SMIM13: variants seen among roughly 807,000 people sequenced by gnomAD.
SMIM13 encodes UPF0766 protein C6orf228.
In SMIM13, 3 loss-of-function variants were observed where a neutral mutation model predicts 5.9. The ratio of observed to expected loss-of-function variants is 0.51; its 90% CI spans 0.23 to 1.31. The LOEUF (loss-of-function observed/expected upper bound fraction) is 1.31, where lower values mean the gene tolerates loss of function less well. SMIM13 is among the 40% of genes most tolerant of loss of function. SMIM13 has a pLI of 0.18. For missense variants in SMIM13, 85 were observed against 109.9 expected, an observed-to-expected ratio of 0.77 and a Z score of 1.01; for synonymous variants, 55 against 46.0, an observed-to-expected ratio of 1.19 and a Z score of -0.79.
intron 1 of SMIM13, among the ~76,000 whole-genome samples, chr6:11,131,874 A>G (rs994077087): frequency 2.6e-5 from 4 of 152,174 alleles, no homozygotes; most frequent in Non-Finnish European, 4.4e-5. Context: ...GTGGTTTCCT[A>G]GATATGCCAT....
chr6:11,107,993 T>C (rs952745763), intron 1 of SMIM13, among the ~76,000 whole-genome samples: 18 of 152,200 alleles, frequency 1.2e-4, no homozygotes, highest in African/African-American at 3.9e-4. Flanking sequence ...GGAAGGTCTG[T>C]GAACAGTTCA....
chr6:11,094,458 T>G (rs1757896628), intron 1 of SMIM13, 69 bp downstream of exon 1: 3 of 1,279,888 alleles, frequency 2.3e-6, no homozygotes, highest in South Asian at 2.6e-5. Context: ...GTTTTTTTTG[T>G]TGTTTGTTTT....
intron 1 of SMIM13, chr6:11,103,940 A>C (rs1758040053): frequency 1.2e-5 from 18 of 1,551,606 alleles, no homozygotes; most frequent in Non-Finnish European, 1.6e-5. Context: ...TGGAGGCTTG[A>C]TTTAGGAGTT....
chr6:11,122,343 C>G (rs866695348), intron 1 of SMIM13, among the ~76,000 whole-genome samples: 6 of 152,324 alleles, frequency 3.9e-5, no homozygotes, highest in Middle Eastern at 6.8e-3. Flanking sequence ...GATAATAATT[C>G]TGAACTTGCC....
At chr6:11,094,433 C>A in intron 1 of SMIM13, 44 bp downstream of exon 1, 1 of 1,425,612 alleles carries the variant, frequency 7.0e-7, no homozygotes, top group Middle Eastern at 2.0e-4. Flanking sequence ...CACGCCGGGT[C>A]GCTGATCTGC....
In SMIM13 at chr6:11,105,281, G is replaced by C. The variant is rs528799043; in HGVS notation, c.76+10892G>C. ...GGCGGTAGGCTGCTAGTGAAGGCGT[G>C]AGAATGAGAACCAGCAGGAGCAGGC... On this transcript the variant is annotated intron_variant, in intron 1 of 1. Transcript: ENST00000416247. 5.6e-4 allele frequency: 901 copies of C among 1,613,944 alleles called. 5 individuals are homozygous for C. The South Asian group carries it at 9.3e-3, about 17-fold the overall frequency.
intron 1 of SMIM13, chr6:11,103,912 T>A (rs1758039513): frequency 1.9e-6 from 3 of 1,551,636 alleles, no homozygotes; most frequent in Non-Finnish European, 2.6e-6. Context: ...CAACCCTGAG[T>A]GGCTCGTTCC....
At chr6:11,121,187 A>G (rs1042140394) in intron 1 of SMIM13, among the ~76,000 whole-genome samples, 3 of 152,176 alleles carry the variant, frequency 2.0e-5, no homozygotes, top group Admixed American at 6.5e-5. Context: ...TGCAAAACCC[A>G]TCTTAACAAT....
At chr6:11,109,396 G>T (rs1758136775) in intron 1 of SMIM13, among the ~76,000 whole-genome samples, 1 of 152,172 alleles carries the variant, frequency 6.6e-6, no homozygotes, top group South Asian at 2.1e-4. Context: ...GTGTCCAGAG[G>T]ATGGCCCTGG....
At chr6:11,118,715 C>T (rs1408332637) in intron 1 of SMIM13, among the ~76,000 whole-genome samples, 2 of 152,160 alleles carry the variant, frequency 1.3e-5, no homozygotes, top group East Asian at 3.8e-4. Flanking sequence ...GTAGTAGTCT[C>T]ATATCTGTAT....
intron 1 of SMIM13, among the ~76,000 whole-genome samples, chr6:11,129,219 A>T (rs1207933975): frequency 6.6e-6 from 1 of 152,144 alleles, no homozygotes; most frequent in African/African-American, 2.4e-5. Flanking sequence ...GATAACCATC[A>T]TTCTACTCTA....
rs140553143 is a variant in SMIM13 at position 11,135,888 on chromosome 6, A to C, written c.*1286A>C. 81 of 152,316 alleles carry C rather than the reference A, an allele frequency of 5.3e-4. 2 individuals are homozygous for C. The East Asian group carries it at 0.015, about 28-fold the overall frequency. 9.4% of individuals were successfully genotyped at this position (152,316 alleles called of 1,614,324 possible). A position where few individuals can be genotyped will look rare whatever the true frequency, so the allele number is the denominator to read the frequency against. ...CATATGGTGCATCTTAACAATTGGTAGTGTCTTAGGTTAAATTAAAAATGG... is the reference window on the plus strand; with the variant it reads ...CATATGGTGCATCTTAACAATTGGTCGTGTCTTAGGTTAAATTAAAAATGG... On this transcript the variant is annotated 3_prime_UTR_variant, in exon 2 of 2. Coordinates refer to ENST00000416247, the MANE Select transcript of SMIM13 (RefSeq NM_001135575.2).
rs1350015410 is a variant in SMIM13, at chr6:11,093,923, G to T, written c.-391G>T. ...ACGGGTGGACAGCGACGAGGGCCTT[G>T]TGGCCGCCGTGTGTACCCGTGCTTA... On this transcript the variant is annotated 5_prime_UTR_variant, in exon 1 of 2. Coordinates refer to ENST00000416247, the MANE Select transcript of SMIM13 (RefSeq NM_001135575.2). The T allele has an allele frequency of 6.6e-6, 1 of 152,302 alleles. No homozygotes were observed. Among genetic ancestry groups the T allele is most frequent in the Non-Finnish European group, 1.5e-5 (1 of 68,090 alleles). 9.4% of individuals were successfully genotyped at this position (152,302 alleles called of 1,614,324 possible).
chr6:11,103,317 C>T (rs984000643), intron 1 of SMIM13: 9 of 188,278 alleles, frequency 4.8e-5, no homozygotes, highest in Non-Finnish European at 9.9e-5. Flanking sequence ...TCCCTGGCGC[C>T]AGCTGCCACT....
intron 1 of SMIM13, among the ~76,000 whole-genome samples, chr6:11,112,966 C>T (rs921324056): frequency 1.3e-5 from 2 of 151,950 alleles, no homozygotes; most frequent in African/African-American, 4.8e-5. Flanking sequence ...TGCCACCATG[C>T]CTGGCTAATT....
chr6:11,134,243 T>C (rs573412420), intron 1 of SMIM13, among the ~76,000 whole-genome samples, 160 bp from the exon 2 acceptor site: 1 of 152,338 alleles, frequency 6.6e-6, no homozygotes, highest in East Asian at 1.9e-4. Flanking sequence ...GAGTTTATCC[T>C]CATTCCTTGT....
chr6:11,119,351 A>G (rs1263807935), intron 1 of SMIM13, among the ~76,000 whole-genome samples: 5 of 151,998 alleles, frequency 3.3e-5, no homozygotes, highest in African/African-American at 9.7e-5. Flanking sequence ...GGTGGAAAGT[A>G]TGGATGAAAA....
At position 11,136,039 on chromosome 6, in the gene SMIM13, C is replaced by G. The variant is rs1010157120; in HGVS notation, c.*1437C>G. Reference sequence around the variant, plus strand: ...ATGTTTTTGGGGGGGAGGGGGTAACCAAGATTTCAGGGTAGTAACTTAGGA... The same window carrying G: ...ATGTTTTTGGGGGGGAGGGGGTAACGAAGATTTCAGGGTAGTAACTTAGGA... On this transcript the variant is annotated 3_prime_UTR_variant, in exon 2 of 2. Transcript: ENST00000416247. 2.0e-5 allele frequency: 3 copies of G among 151,954 alleles called. No homozygotes were observed. The highest frequency in any genetic ancestry group is 6.6e-5 in the Admixed American group (1 of 15,252). 9.4% of individuals were successfully genotyped at this position (151,954 alleles called of 1,614,324 possible). A position where few individuals can be genotyped will look rare whatever the true frequency, so the allele number is the denominator to read the frequency against.
chr6:11,105,429 G>A (rs1031112396), intron 1 of SMIM13: 3 of 718,176 alleles, frequency 4.2e-6, no homozygotes, highest in Non-Finnish European at 6.9e-6. Flanking sequence ...TTCTAGTATT[G>A]GGATCACCTT....
Sources: allele counts gnomAD v4.1 joint callset (sites outside exome capture counted in the v4.1 genomes callset), GRCh38; gene constraint gnomAD v4.1.1; transcripts MANE v1.5; gene names NCBI Gene and HGNC (gene_info 2026-07-23, HGNC 2026-07-21).